GRM7: variants seen among roughly 807,000 people sequenced by gnomAD.
GRM7 encodes glutamate metabotropic receptor 7, also known as metabotropic glutamate receptor 7.
Under a neutral mutation model 84.5 loss-of-function variants are expected in GRM7, and 35 were observed. The observed-to-expected ratio is 0.41, with a 90% CI of 0.32 to 0.55. The LOEUF is 0.55. Ranked by LOEUF, GRM7 falls within the 20% of genes least tolerant of loss-of-function variation. The pLI, the probability that GRM7 is intolerant of heterozygous loss-of-function variation, is 0.19. For synonymous variants in GRM7, 487 were observed against 455.1 expected (o/e 1.07, Z -0.89); for missense variants, 1,003 against 1,194.6 (o/e 0.84, Z 2.36).
At chr3:7,169,711 G>A (rs1193836715) in intron 2 of GRM7, among the ~76,000 whole-genome samples, 1 of 152,050 alleles carries the variant, frequency 6.6e-6, no homozygotes. Flanking sequence ...TGGGGCAATG[G>A]TTTGCTTATT....
At chr3:7,081,065 G>T (rs1259715802) in intron 1 of GRM7, among the ~76,000 whole-genome samples, 1 of 151,946 alleles carries the variant, frequency 6.6e-6, no homozygotes, top group Admixed American at 6.6e-5. Context: ...CTCCCCCCTT[G>T]TTGTCTCCCC....
intron 1 of GRM7, among the ~76,000 whole-genome samples, chr3:7,110,726 C>A (rs1006665760): frequency 2.0e-5 from 3 of 151,804 alleles, no homozygotes; most frequent in Admixed American, 2.0e-4. Flanking sequence ...TTTCCAGATG[C>A]TAGGTTGAAA....
intron 1 of GRM7, among the ~76,000 whole-genome samples, chr3:7,052,466 T>G (rs1468046794): frequency 6.6e-6 from 1 of 151,588 alleles, no homozygotes; most frequent in Non-Finnish European, 1.5e-5. Context: ...AAAAATCTAA[T>G]TTACCACCCA....
At chr3:7,130,102 T>C (rs560710297) in intron 1 of GRM7, among the ~76,000 whole-genome samples, 61 of 152,338 alleles carry the variant, frequency 4.0e-4, no homozygotes, top group African/African-American at 1.4e-3. Context: ...AGTAGAGATC[T>C]GACTCGGTTA....
rs933618329 is a variant in GRM7 at position 6,862,437 on chromosome 3, A to G, written c.519+530A>G. On this transcript the variant is annotated intron_variant, in intron 1 of 9. Transcript: ENST00000357716. This position sits in a 1 kb window ranked among gnomAD's most constrained non-coding sequence, Gnocchi z 5.2. ...GGGCTCCGTCTTAACCTAGATGTGG[A>G]TGTTAAGTCCGCATCTCCCTCGGGC... Among the ~76,000 whole-genome samples, 4 of 151,970 alleles carry G rather than the reference A, an allele frequency of 2.6e-5. No homozygotes were observed. Among genetic ancestry groups the G allele is most frequent in the Non-Finnish European group, 5.9e-5 (4 of 67,988 alleles).
intron 6 of GRM7, among the ~76,000 whole-genome samples, chr3:7,459,799 C>T (rs912608430): frequency 2.6e-5 from 4 of 151,952 alleles, no homozygotes; most frequent in African/African-American, 9.7e-5. Flanking sequence ...GATATGTTTC[C>T]TGTGACAGAG....
At chr3:6,871,352 T>C (rs1695113425) in intron 1 of GRM7, among the ~76,000 whole-genome samples, 1 of 152,160 alleles carries the variant, frequency 6.6e-6, no homozygotes. Flanking sequence ...ATTATTATTT[T>C]ATGTTCTTCA....
intron 7 of GRM7, among the ~76,000 whole-genome samples, chr3:7,522,708 G>C (rs568881979): frequency 3.9e-5 from 6 of 152,306 alleles, no homozygotes; most frequent in South Asian, 2.1e-4. Context: ...CAAGATCACA[G>C]GCTGGTACGT....
At chr3:7,653,121 T>C (rs1304348016) in intron 8 of GRM7, among the ~76,000 whole-genome samples, 1 of 149,850 alleles carries the variant, frequency 6.7e-6, no homozygotes, top group Admixed American at 6.7e-5. Flanking sequence ...CCCTCCAGCA[T>C]CTCCTTAGCC....
intron 8 of GRM7, among the ~76,000 whole-genome samples, chr3:7,657,692 C>G (rs934305555): frequency 6.6e-6 from 1 of 151,994 alleles, no homozygotes. Flanking sequence ...TTTTGGAGAG[C>G]CTCATAGTTA....
chr3:7,698,538 C>T (rs1381197134), intron 9 of GRM7, among the ~76,000 whole-genome samples: 1 of 152,168 alleles, frequency 6.6e-6, no homozygotes, highest in Non-Finnish European at 1.5e-5. Flanking sequence ...CATGCTCTAA[C>T]CAATGGACTA....
At chr3:6,994,202 A>G (rs1246875812) in intron 1 of GRM7, among the ~76,000 whole-genome samples, 1 of 152,228 alleles carries the variant, frequency 6.6e-6, no homozygotes, top group African/African-American at 2.4e-5. Flanking sequence ...AAAAAGAATC[A>G]GGACAGAGAA....
chr3:7,055,341 A>G (rs979637555), intron 1 of GRM7, among the ~76,000 whole-genome samples: 2 of 151,878 alleles, frequency 1.3e-5, no homozygotes, highest in Admixed American at 6.6e-5. Flanking sequence ...TTGCTGCAAC[A>G]TCCTTCTTCA....
intron 3 of GRM7, among the ~76,000 whole-genome samples, chr3:7,299,676 C>T (rs1462494325): frequency 1.3e-5 from 2 of 152,118 alleles, no homozygotes; most frequent in South Asian, 4.1e-4. Flanking sequence ...ATGTTGTGTG[C>T]ATTCCTGTTC....
chr3:7,021,562 A>G (rs1287729284), intron 1 of GRM7, among the ~76,000 whole-genome samples: 1 of 152,232 alleles, frequency 6.6e-6, no homozygotes, highest in Admixed American at 6.5e-5. Context: ...CACTTGGGAA[A>G]AGAACATTTC....
chr3:7,249,341 TGCATTTTTTA>T (rs991905856), intron 2 of GRM7, among the ~76,000 whole-genome samples: 1 of 152,206 alleles, frequency 6.6e-6, no homozygotes, highest in African/African-American at 2.4e-5. Flanking sequence ...CAAATTTCTT[TGCATTTTTTA>T]ATTGTGCTTT....
intron 5 of GRM7, among the ~76,000 whole-genome samples, chr3:7,424,664 A>G (rs1004271736): frequency 6.6e-6 from 1 of 152,178 alleles, no homozygotes; most frequent in Non-Finnish European, 1.5e-5. Context: ...TCATTTAATT[A>G]CTCAACAAGT....
chr3:7,210,601 C>T (rs925427474), intron 2 of GRM7, among the ~76,000 whole-genome samples: 1 of 151,982 alleles, frequency 6.6e-6, no homozygotes, highest in African/African-American at 2.4e-5. Context: ...AGATCCTGCA[C>T]CCTTCAAAAA....
intron 2 of GRM7, among the ~76,000 whole-genome samples, chr3:7,253,987 G>A (rs1435326733): frequency 1.3e-5 from 2 of 152,264 alleles, no homozygotes; most frequent in East Asian, 3.9e-4. Context: ...TGCATTCCAC[G>A]TGGATGGCTT....
Sources: allele counts gnomAD v4.1 joint callset (sites outside exome capture counted in the v4.1 genomes callset), GRCh38; gene constraint gnomAD v4.1.1; non-coding constraint Gnocchi (gnomAD v3.1); transcripts MANE v1.5; gene names NCBI Gene and HGNC (gene_info 2026-07-23, HGNC 2026-07-21).